Variants in FAM177A1 observed in about 807,000 individuals in gnomAD.
The protein encoded by FAM177A1 is protein FAM177A1.
A neutral mutation model predicts 26.1 loss-of-function variants in FAM177A1; 22 were observed. That is an observed-to-expected ratio of 0.84 (90% CI 0.60 to 1.20). The LOEUF (loss-of-function observed/expected upper bound fraction) is 1.20. Ranked by LOEUF, FAM177A1 falls within the 50% of genes most tolerant of loss-of-function variation. The pLI, the probability that FAM177A1 is intolerant of heterozygous loss-of-function variation, is 0.00. For missense variants in FAM177A1, 296 were observed against 291.1 expected, an observed-to-expected ratio of 1.02 and a Z score of -0.12; for synonymous variants, 95 against 99.3, an observed-to-expected ratio of 0.96 and a Z score of 0.26.
At chr14:35,072,239 CACT>C (rs1281065525) in intron 2 of FAM177A1, among the ~76,000 whole-genome samples, 2 of 152,048 alleles carry the variant, frequency 1.3e-5, no homozygotes, top group African/African-American at 4.8e-5. Flanking sequence ...CGCAACATTG[CACT>C]CCAGCCTGGG....
intron 1 of FAM177A1, chr14:35,047,091 GT>G: frequency 1.1e-6 from 1 of 871,748 alleles, no homozygotes; most frequent in Non-Finnish European, 1.4e-6. Context: ...CGAGGTGGGT[GT>G]TAGCCCCATT....
chr14:35,053,150 C>A, intron 1 of FAM177A1, 128 bp from the exon 2 acceptor site: 2 of 808,250 alleles, frequency 2.5e-6, no homozygotes, highest in Non-Finnish European at 3.8e-6. Context: ...GACCATGTCT[C>A]AGAACAAACC....
chr14:35,046,253 G>C (rs2044858356), upstream of FAM177A1: 2 of 451,802 alleles, frequency 4.4e-6, no homozygotes, highest in South Asian at 1.0e-4. Context: ...CCCCGCGCGA[G>C]CCGGTAGTTG....
intron 2 of FAM177A1, among the ~76,000 whole-genome samples, chr14:35,070,998 T>C (rs1397034354): frequency 6.6e-6 from 1 of 151,566 alleles, no homozygotes; most frequent in Non-Finnish European, 1.5e-5. Context: ...TTTCTTTCTT[T>C]CTTTCTTTTT....
intron 4 of FAM177A1, 62 bp downstream of exon 4, chr14:35,079,086 A>G: frequency 1.6e-6 from 2 of 1,252,244 alleles, no homozygotes; most frequent in African/African-American, 1.6e-5. Context: ...GATGGGTTGC[A>G]TAATGAGCCT....
At chr14:35,052,781 G>A (rs897542979) in intron 1 of FAM177A1, among the ~76,000 whole-genome samples, 2 of 151,986 alleles carry the variant, frequency 1.3e-5, no homozygotes, top group Admixed American at 6.6e-5. Flanking sequence ...AATTAGCCAA[G>A]TGTGGTGGCA....
intron 4 of FAM177A1, among the ~76,000 whole-genome samples, chr14:35,080,653 T>C (rs759569919): frequency 1.3e-5 from 2 of 151,900 alleles, no homozygotes; most frequent in African/African-American, 2.4e-5. Context: ...ATACAAAAAT[T>C]AGCTGGGCGT....
intron 2 of FAM177A1, among the ~76,000 whole-genome samples, chr14:35,062,793 CA>C (rs11285301): frequency 0.13 from 8,394 of 64,578 alleles, 284 homozygotes; most frequent in African/African-American, 0.24. Context: ...GACCCTGTCT[CA>C]AAAAAAAAAA....
intron 2 of FAM177A1, among the ~76,000 whole-genome samples, chr14:35,062,884 T>TG (rs949465764): frequency 1.8e-4 from 27 of 150,070 alleles, no homozygotes; most frequent in African/African-American, 6.6e-4. Context: ...TTTGCGGTTT[T>TG]TTTTTTTTTT....
In FAM177A1 at chr14:35,082,881, T is replaced by C. The variant is rs560659447; in HGVS notation, c.*1653T>C. On this transcript the variant is annotated 3_prime_UTR_variant, in exon 5 of 5. Coordinates refer to ENST00000280987, the MANE Select transcript of FAM177A1 (RefSeq NM_173607.5). Reference sequence around the variant, plus strand: ...GTTGAAGGATAATTAAACTTTTCATTAGGAGTGTTCAGCTACATGGATTCA... The same window carrying C: ...GTTGAAGGATAATTAAACTTTTCATCAGGAGTGTTCAGCTACATGGATTCA... 4.6e-5 allele frequency: 7 copies of C among 152,208 alleles called. No homozygotes were observed. Among genetic ancestry groups the C allele is most frequent in the Non-Finnish European group, 7.4e-5 (5 of 68,024 alleles). 9.4% of individuals were successfully genotyped at this position (152,208 alleles called of 1,614,324 possible).
intron 4 of FAM177A1, among the ~76,000 whole-genome samples, chr14:35,079,538 G>A (rs763307516): frequency 6.6e-6 from 1 of 152,154 alleles, no homozygotes; most frequent in Non-Finnish European, 1.5e-5. Flanking sequence ...GTGCTTAAGA[G>A]CATGGGCTCA....
chr14:35,080,323 T>C (rs2045460780), intron 4 of FAM177A1, among the ~76,000 whole-genome samples: 1 of 152,224 alleles, frequency 6.6e-6, no homozygotes, highest in Non-Finnish European at 1.5e-5. Context: ...CTATGCTATA[T>C]ATCATGTAGT....
intron 2 of FAM177A1, among the ~76,000 whole-genome samples, chr14:35,070,271 G>A (rs897732998): frequency 2.6e-5 from 4 of 151,166 alleles, no homozygotes; most frequent in Middle Eastern, 3.4e-3. Flanking sequence ...TGATCCACCC[G>A]CCTCAGCCTC....
intron 2 of FAM177A1, among the ~76,000 whole-genome samples, chr14:35,070,114 C>CAAAAAAAAAAAAAAAAAAAAAAAAAAA (rs746133319): frequency 3.7e-5 from 2 of 53,826 alleles, no homozygotes; most frequent in African/African-American, 8.3e-5. Flanking sequence ...GACTCTGTCT[C>CAAAAAAAAAAAAAAAAAAAAAAAAAAA]AAAAAAAAAA....
intron 2 of FAM177A1, among the ~76,000 whole-genome samples, chr14:35,064,004 C>T (rs553919337): frequency 4.8e-5 from 7 of 147,244 alleles, no homozygotes; most frequent in African/African-American, 1.8e-4. Flanking sequence ...GCAGAGACCA[C>T]CCTACTGTGC....
intron 2 of FAM177A1, among the ~76,000 whole-genome samples, chr14:35,054,328 T>G (rs1380676645): frequency 6.6e-6 from 1 of 152,220 alleles, no homozygotes; most frequent in Non-Finnish European, 1.5e-5. Context: ...TTCTAAATTA[T>G]ACAAGATGTG....
chr14:35,047,546 C>A (rs1205298437), intron 1 of FAM177A1, among the ~76,000 whole-genome samples: 1 of 152,166 alleles, frequency 6.6e-6, no homozygotes, highest in Non-Finnish European at 1.5e-5. Flanking sequence ...GTCAGGAGTT[C>A]AAGACCAGTC....
chr14:35,067,993 T>C (rs1282305349), intron 2 of FAM177A1, among the ~76,000 whole-genome samples: 1 of 152,200 alleles, frequency 6.6e-6, no homozygotes, highest in Non-Finnish European at 1.5e-5. Context: ...ACTGTGTTGA[T>C]TGTTTCTTTT....
At chr14:35,064,549 T>C (rs2045210463) in intron 2 of FAM177A1, among the ~76,000 whole-genome samples, 1 of 152,198 alleles carries the variant, frequency 6.6e-6, no homozygotes, top group Middle Eastern at 3.2e-3. Context: ...ATAAAGTTAA[T>C]GAAGAATTTA....
Sources: allele counts gnomAD v4.1 joint callset (sites outside exome capture counted in the v4.1 genomes callset), GRCh38; gene constraint gnomAD v4.1.1; transcripts MANE v1.5; gene names NCBI Gene and HGNC (gene_info 2026-07-23, HGNC 2026-07-21).